The following NRG3 variants were observed in gnomAD, a reference collection of about 807,000 sequenced individuals.
NRG3 encodes the protein neuregulin 3, also known as pro-neuregulin-3, membrane-bound isoform.
Under a neutral mutation model 66.9 loss-of-function variants are expected in NRG3, and 31 were observed. The observed-to-expected ratio is 0.46, with a 90% CI of 0.35 to 0.63. The LOEUF is 0.63. NRG3 is among the 20% of genes least tolerant of loss of function. The probability of loss-of-function intolerance (pLI) is 0.00; values close to 1 mark genes in which losing one functional copy is unlikely to be tolerated. For synonymous variants in NRG3, 393 were observed against 359.4 expected, an observed-to-expected ratio of 1.09 and a Z score of -1.06; for missense variants, 910 against 878.9, an observed-to-expected ratio of 1.04 and a Z score of -0.45.
chr10:82,166,850 T>A (rs2133039889), intron 1 of NRG3: 1 of 659,926 alleles, frequency 1.5e-6, no homozygotes, highest in South Asian at 1.7e-5. Flanking sequence ...AGTCTTTATT[T>A]ATCTTCATTA....
At chr10:82,786,140 G>A (rs978063591) in intron 3 of NRG3, among the ~76,000 whole-genome samples, 1 of 152,106 alleles carries the variant, frequency 6.6e-6, no homozygotes, top group Non-Finnish European at 1.5e-5. Flanking sequence ...AATGTTTAGT[G>A]GAGCCATGGA....
At chr10:82,523,462 T>C (rs1031029265) in intron 2 of NRG3, among the ~76,000 whole-genome samples, 3 of 151,976 alleles carry the variant, frequency 2.0e-5, no homozygotes, top group Admixed American at 1.3e-4. Context: ...TTTGTATTTC[T>C]CTGATAGGTA....
chr10:82,363,837 T>C (rs2084347360), intron 2 of NRG3, among the ~76,000 whole-genome samples: 1 of 152,220 alleles, frequency 6.6e-6, no homozygotes, highest in Non-Finnish European at 1.5e-5. Flanking sequence ...TTAACAAGTA[T>C]GAATTATGAA....
chr10:82,423,502 A>T (rs1455146149), intron 2 of NRG3, among the ~76,000 whole-genome samples: 1 of 151,908 alleles, frequency 6.6e-6, no homozygotes, highest in Non-Finnish European at 1.5e-5. Flanking sequence ...ACTTAGAGTG[A>T]AGATTTAAAG....
At chr10:82,556,379 G>A (rs750681148) in intron 2 of NRG3, among the ~76,000 whole-genome samples, 1 of 152,054 alleles carries the variant, frequency 6.6e-6, no homozygotes, top group African/African-American at 2.4e-5. Context: ...TAAGCCTGGT[G>A]AATCTAACAG....
chr10:82,182,798 T>A (rs868682905), intron 1 of NRG3, among the ~76,000 whole-genome samples: 1 of 151,932 alleles, frequency 6.6e-6, no homozygotes, highest in Non-Finnish European at 1.5e-5. Context: ...TCCATTAGCA[T>A]TTTTTTGTAG....
chr10:82,649,873 A>T (rs2051270645), intron 2 of NRG3, among the ~76,000 whole-genome samples: 1 of 152,204 alleles, frequency 6.6e-6, no homozygotes, highest in African/African-American at 2.4e-5. Flanking sequence ...ATTGCTCAGA[A>T]TTTTTTGTAG....
At chr10:82,086,140 A>G (rs553205679) in intron 1 of NRG3, among the ~76,000 whole-genome samples, 7 of 152,256 alleles carry the variant, frequency 4.6e-5, no homozygotes, top group Admixed American at 3.3e-4. Flanking sequence ...ACCTGAAGCA[A>G]TTTTACAGTA....
chr10:82,641,364 C>A (rs949311510), intron 2 of NRG3, among the ~76,000 whole-genome samples: 7 of 151,988 alleles, frequency 4.6e-5, no homozygotes, highest in African/African-American at 1.7e-4. Flanking sequence ...TATATAATGT[C>A]TCATATATTC....
intron 1 of NRG3, among the ~76,000 whole-genome samples, chr10:82,012,823 T>C (rs1338795250): frequency 6.6e-6 from 1 of 152,212 alleles, no homozygotes; most frequent in Admixed American, 6.5e-5. Context: ...AAGTTTCTTA[T>C]CTTCATCTGA....
intron 4 of NRG3, among the ~76,000 whole-genome samples, chr10:82,943,532 G>A (rs1318307104): frequency 6.6e-6 from 1 of 152,208 alleles, no homozygotes; most frequent in Non-Finnish European, 1.5e-5. Context: ...AGGGAACCTG[G>A]AATTTTTGTC....
chr10:82,640,326 A>G (rs912618702), intron 2 of NRG3, among the ~76,000 whole-genome samples: 1 of 152,216 alleles, frequency 6.6e-6, no homozygotes, highest in Non-Finnish European at 1.5e-5. Context: ...AATACTATGG[A>G]GCCCTGGTGA....
chr10:82,187,048 G>A (rs547811571), intron 1 of NRG3, among the ~76,000 whole-genome samples: 26 of 152,116 alleles, frequency 1.7e-4, no homozygotes, highest in Non-Finnish European at 2.9e-4. Flanking sequence ...AACTGGAGGA[G>A]ACTTTTTGGT....
intron 2 of NRG3, among the ~76,000 whole-genome samples, chr10:82,630,380 A>G (rs1201102582): frequency 5.3e-5 from 8 of 151,206 alleles, no homozygotes; most frequent in African/African-American, 1.7e-4. Context: ...TTTCAGATAA[A>G]AATAGCAGTA....
intron 1 of NRG3, among the ~76,000 whole-genome samples, chr10:82,108,657 A>T (rs976714747): frequency 6.6e-6 from 1 of 152,236 alleles, no homozygotes; most frequent in African/African-American, 2.4e-5. Context: ...TTGCAAAAAT[A>T]ATGAAGATAG....
rs115296515 is a variant in NRG3 at position 82,119,006 on chromosome 10, T to C, written c.824-239733T>C. 9.3e-3 allele frequency among the ~76,000 whole-genome samples: 1,415 copies of C among 152,326 alleles called. 28 individuals carry two copies. The highest frequency in any genetic ancestry group is 0.032 in the African/African-American group (1,329 of 41,574). ...TTAAAGGCAAGTTGTGAATTTCTTT[T>C]TAATTTTTATTTTATTGTAAATTGA... On this transcript the variant is annotated intron_variant, in intron 1 of 8. Coordinates refer to ENST00000372141, the MANE Select transcript of NRG3 (RefSeq NM_001010848.4).
intron 2 of NRG3, among the ~76,000 whole-genome samples, chr10:82,529,993 G>A (rs1180564802): frequency 1.3e-5 from 2 of 152,070 alleles, no homozygotes; most frequent in Non-Finnish European, 2.9e-5. Flanking sequence ...GTTATCAGAT[G>A]GTTTAAAGAG....
intron 1 of NRG3, among the ~76,000 whole-genome samples, chr10:82,324,705 T>G (rs1178999260): frequency 6.6e-6 from 1 of 152,200 alleles, no homozygotes; most frequent in African/African-American, 2.4e-5. Context: ...GTTCCAAATA[T>G]TTTGACATTT....
chr10:82,634,518 A>G (rs1301841826), intron 2 of NRG3, among the ~76,000 whole-genome samples: 2 of 152,172 alleles, frequency 1.3e-5, no homozygotes, highest in Non-Finnish European at 2.9e-5. Context: ...TAAAAACTCA[A>G]ATTAAATAAG....
Sources: gnomAD v4.1 joint callset for allele counts (sites outside exome capture counted in the v4.1 genomes callset) on GRCh38, gnomAD v4.1.1 for gene constraint, MANE v1.5 for transcripts, NCBI Gene and HGNC (gene_info 2026-07-23, HGNC 2026-07-21) for gene names.